Variants in COL24A1 observed in about 807,000 individuals in gnomAD.
COL24A1 encodes collagen type XXIV alpha 1 chain, also known as collagen alpha-1(XXIV) chain.
COL24A1 carries 224 observed loss-of-function variants against 253.9 expected under a neutral mutation model. The observed-to-expected ratio is 0.88, with a 90% CI of 0.79 to 0.99. COL24A1 has a LOEUF of 0.99. COL24A1 is among the 50% of genes least tolerant of loss of function. COL24A1 has a pLI of 0.00. For synonymous variants in COL24A1, 685 were observed against 673.7 expected (o/e 1.02, Z -0.26); for missense variants, 2,131 against 2,068.5 (o/e 1.03, Z -0.59).
At chr1:86,123,214 A>G (rs539983038) in intron 3 of COL24A1, among the ~76,000 whole-genome samples, 1 of 151,742 alleles carries the variant, frequency 6.6e-6, no homozygotes, top group Admixed American at 6.6e-5. Flanking sequence ...AAACTCACCT[A>G]CTCCTCTCAC....
At chr1:86,092,192 A>G (rs971682488) in intron 6 of COL24A1, 75 bp downstream of exon 6, 37 of 1,198,324 alleles carry the variant, frequency 3.1e-5, no homozygotes, top group Non-Finnish European at 4.4e-5. Context: ...TAAAATCTAC[A>G]TTTAAAAATG....
intron 56 of COL24A1, 39 bp from the exon 57 acceptor site, chr1:85,744,873 C>A: frequency 6.5e-7 from 1 of 1,541,432 alleles, no homozygotes; most frequent in South Asian, 1.2e-5. Context: ...GCAAAAAAAT[C>A]CTGAGGACCA....
intron 24 of COL24A1, among the ~76,000 whole-genome samples, chr1:85,926,894 A>G (rs11578202): frequency 0.042 from 6,351 of 152,238 alleles, 186 homozygotes; most frequent in Non-Finnish European, 0.068. Context: ...ACAGAAAATA[A>G]AAGTTTCAAG....
intron 19 of COL24A1, among the ~76,000 whole-genome samples, chr1:85,999,710 T>C (rs55892290): frequency 0.4 from 60,370 of 151,778 alleles, 12,418 homozygotes; most frequent in East Asian, 0.58. Flanking sequence ...CAGAAGACTC[T>C]ATCTCCTTGT....
chr1:85,865,119 T>C (rs951428964), intron 37 of COL24A1, among the ~76,000 whole-genome samples: 2 of 152,088 alleles, frequency 1.3e-5, no homozygotes, highest in Non-Finnish European at 2.9e-5. Context: ...GATCTCATTC[T>C]GCAGTCCTCT....
intron 37 of COL24A1, 72 bp from the exon 38 acceptor site, chr1:85,849,478 A>T (rs1677511576): frequency 2.6e-5 from 28 of 1,084,144 alleles, no homozygotes; most frequent in Non-Finnish European, 3.6e-5. Flanking sequence ...GAATACTTCT[A>T]TCAGATAATC....
At chr1:85,956,682 T>C (rs1690498955) in intron 24 of COL24A1, among the ~76,000 whole-genome samples, 2 of 152,032 alleles carry the variant, frequency 1.3e-5, no homozygotes, top group African/African-American at 4.8e-5. Context: ...AAGGAAACTG[T>C]GAAAAAATAA....
intron 47 of COL24A1, among the ~76,000 whole-genome samples, chr1:85,788,872 GGT>G (rs1382558041): frequency 1.3e-5 from 2 of 152,120 alleles, no homozygotes; most frequent in Admixed American, 6.5e-5. Context: ...GATGGTTGTA[GGT>G]GTGTGGTCTT....
chr1:86,021,297 A>T (rs1013532598), intron 18 of COL24A1, among the ~76,000 whole-genome samples: 2 of 151,996 alleles, frequency 1.3e-5, no homozygotes, highest in African/African-American at 2.4e-5. Flanking sequence ...CCTATATCTA[A>T]TTTTTTCTAT....
intron 27 of COL24A1, 94 bp downstream of exon 27, chr1:85,908,504 T>C (rs1391226620): frequency 2.8e-6 from 2 of 708,368 alleles, no homozygotes; most frequent in Non-Finnish European, 4.6e-6. Flanking sequence ...CATGACTTAC[T>C]TTGAATAAAA....
At chr1:85,779,444 C>T (rs1161854479) in intron 52 of COL24A1, among the ~76,000 whole-genome samples, 2 of 151,844 alleles carry the variant, frequency 1.3e-5, no homozygotes, top group Non-Finnish European at 2.9e-5. Flanking sequence ...TTGTAGTCAT[C>T]TTGCTATAAG....
chr1:85,873,888 C>T (rs1680836740), intron 35 of COL24A1, among the ~76,000 whole-genome samples: 1 of 151,296 alleles, frequency 6.6e-6, no homozygotes, highest in African/African-American at 2.4e-5. Context: ...ATGGAACTTG[C>T]AGAAATGTAG....
rs1034454033 is a variant in COL24A1 at position 85,970,397 on chromosome 1, T to C, written c.2419-126A>G. On this transcript the variant is annotated intron_variant, in intron 21 of 59. Transcript: ENST00000370571. ...CTGAGATGTGATGAAAATAATGCTG[T>C]TATTTTCTTGTACTTTGAACTCCAT... 7 of 946,988 alleles carry C rather than the reference T, an allele frequency of 7.4e-6. 1 individual carries two copies. In the South Asian group the frequency reaches 1.5e-4, roughly 20 times the overall value. 58.7% of individuals were successfully genotyped at this position (946,988 alleles called of 1,614,324 possible). A position where few individuals can be genotyped will look rare whatever the true frequency, so the allele number is the denominator to read the frequency against.
intron 19 of COL24A1, among the ~76,000 whole-genome samples, chr1:86,001,249 C>CAGCTG (rs1417822566): frequency 6.6e-6 from 1 of 152,186 alleles, no homozygotes; most frequent in Non-Finnish European, 1.5e-5. Context: ...CACATTTGCT[C>CAGCTG]AGCTGGTCTT....
Position 86,156,424 on chromosome 1 carries a change from C to T in COL24A1, c.-28G>A, listed in dbSNP as rs1236503140. ...GTATGCATTTGTCCGTGCAGCAAAGCGCTAACGGAAAACAGAAGCCAACTC... is the reference window on the plus strand; with the variant it reads ...GTATGCATTTGTCCGTGCAGCAAAGTGCTAACGGAAAACAGAAGCCAACTC... On this transcript the variant is annotated 5_prime_UTR_variant, in exon 1 of 60. Transcript: ENST00000370571. 6.2e-7 allele frequency: 1 copy of T among 1,604,064 alleles called. No individual in the cohort carries two copies. Among genetic ancestry groups the T allele is most frequent in the Non-Finnish European group, 8.5e-7 (1 of 1,175,432 alleles).
intron 7 of COL24A1, among the ~76,000 whole-genome samples, chr1:86,076,737 T>C (rs1280198730): frequency 6.6e-6 from 1 of 152,152 alleles, no homozygotes; most frequent in African/African-American, 2.4e-5. Context: ...AAACAAGCAA[T>C]GGGGAAAAGA....
At position 86,145,224 on chromosome 1, in the gene COL24A1, G is replaced by A. The variant is rs187222425; in HGVS notation, c.121+895C>T. ...ACTTGTCTTTTTCTTACTGTTATTT[G>A]ATCAATTGATCAAACTGACAAGGGG... is the stretch of plus-strand genomic sequence containing the variant. On this transcript the variant is annotated intron_variant, in intron 2 of 59. Transcript: ENST00000370571. 5.4e-3 allele frequency among the ~76,000 whole-genome samples: 819 copies of A among 151,876 alleles called. 6 individuals are homozygous for A. Among genetic ancestry groups the A allele is most frequent in the Middle Eastern group, 0.034 (10 of 294 alleles).
chr1:85,877,171 A>G lies in COL24A1; in HGVS notation c.2981T>C (p.Leu994Pro). The change falls in exon 33 of 60, where the codon CTG becomes CCG. Residue 994 changes from leucine (L) to proline (P), a missense_variant. Physicochemically the swap from Leu to Pro is moderately conservative, Grantham distance 98. Transcript: ENST00000370571. ...TCCAACATCACCTTGCAGTCCTCGC[A>G]GTCCCTATATTAAAATAAAATTTAA... is the stretch of plus-strand genomic sequence containing the variant. ...GDRGLPGEPG[L>P]RGLQGDVGPP... 6.2e-7 allele frequency: 1 copy of G among 1,601,132 alleles called. No individual in the cohort carries two copies. Among genetic ancestry groups the G allele is most frequent in the Non-Finnish European group, 8.5e-7 (1 of 1,174,360 alleles).
In COL24A1 at chr1:85,791,343, A is replaced by T. The variant is rs1357469512; in HGVS notation, c.3952-4882T>A. Among the ~76,000 whole-genome samples the T allele has an allele frequency of 5.3e-5, 8 of 152,156 alleles. No individual in the cohort carries two copies. In the East Asian group the frequency reaches 1.5e-3, roughly 29 times the overall value. On this transcript the variant is annotated intron_variant, in intron 47 of 59. Transcript: ENST00000370571. Reference sequence around the variant, plus strand: ...CTGCAAGTGAGAATATTTTCAAAGAAGTTTAAAAAAAACACTAAATCAGTA... The same window carrying T: ...CTGCAAGTGAGAATATTTTCAAAGATGTTTAAAAAAAACACTAAATCAGTA...
Sources: allele counts gnomAD v4.1 joint callset (sites outside exome capture counted in the v4.1 genomes callset), GRCh38; gene constraint gnomAD v4.1.1; transcripts MANE v1.5; gene names NCBI Gene and HGNC (gene_info 2026-07-23, HGNC 2026-07-21).